The following FAM3D variants were observed in gnomAD, a reference collection of about 807,000 sequenced individuals.
FAM3D encodes FAM3 metabolism regulating signaling molecule D, also known as protein FAM3D.
A neutral mutation model predicts 29.8 loss-of-function variants in FAM3D; 26 were observed. That is an observed-to-expected ratio of 0.87 (90% CI 0.64 to 1.21). FAM3D has a LOEUF of 1.21. Among genes scored for constraint, FAM3D ranks in the 50% most tolerant of loss-of-function variants. The pLI is 0.00. For synonymous variants in FAM3D, 115 were observed against 102.3 expected (o/e 1.12, Z -0.75); for missense variants, 253 against 290.9 (o/e 0.87, Z 0.95).
At chr3:58,637,653 G>T (rs990604420) in intron 7 of FAM3D, among the ~76,000 whole-genome samples, 23 of 152,064 alleles carry the variant, frequency 1.5e-4, no homozygotes, top group African/African-American at 5.3e-4. Context: ...CTGACTTTAG[G>T]TGGTATAGCA....
rs74588286 is a variant in FAM3D, at chr3:58,641,383, G to A, written c.323-1206C>T. Among the ~76,000 whole-genome samples, 949 of 150,314 alleles carry A rather than the reference G, an allele frequency of 6.3e-3. 6 individuals are homozygous for A. The highest frequency in any genetic ancestry group is 0.01 in the Non-Finnish European group (707 of 67,592). ...TTGCTTAACCTCTTTTTTTTTTTTGGACAGGGTCTCTCTGCAGTCCAGGCT... is the reference window on the plus strand; with the variant it reads ...TTGCTTAACCTCTTTTTTTTTTTTGAACAGGGTCTCTCTGCAGTCCAGGCT... On this transcript the variant is annotated intron_variant, in intron 6 of 9. Transcript: ENST00000358781.
At chr3:58,656,883 G>A (rs1315985380) in intron 1 of FAM3D, among the ~76,000 whole-genome samples, 1 of 152,138 alleles carries the variant, frequency 6.6e-6, no homozygotes, top group Non-Finnish European at 1.5e-5. Flanking sequence ...AGGTGCTCGG[G>A]CTGAACCAGT....
intron 4 of FAM3D, among the ~76,000 whole-genome samples, chr3:58,648,166 G>T (rs1336602232): frequency 6.6e-6 from 1 of 152,228 alleles, no homozygotes; most frequent in African/African-American, 2.4e-5. Flanking sequence ...GCAACAAGAT[G>T]CTGTGACACT....
At chr3:58,649,654 GCA>G (rs1022730149) in intron 3 of FAM3D, among the ~76,000 whole-genome samples, 7 of 152,116 alleles carry the variant, frequency 4.6e-5, no homozygotes, top group South Asian at 2.1e-4. Flanking sequence ...ACACATGTGT[GCA>G]CACACAGACG....
intron 9 of FAM3D, 29 bp downstream of exon 9, chr3:58,636,265 A>T: frequency 6.2e-7 from 1 of 1,607,230 alleles, no homozygotes; most frequent in Non-Finnish European, 8.5e-7. Flanking sequence ...TGCATCCTTC[A>T]TAGGGCCGGG....
rs757848200 is a variant in FAM3D, at chr3:58,634,413, G to A, written c.586-45C>T. 11 of 1,556,542 alleles carry A rather than the reference G, an allele frequency of 7.1e-6. No individual in the cohort carries two copies. Among genetic ancestry groups the A allele is most frequent in the Non-Finnish European group, 9.7e-6 (11 of 1,132,162 alleles). On this transcript the variant is annotated intron_variant, in intron 9 of 9. Coordinates refer to ENST00000358781, the MANE Select transcript of FAM3D (RefSeq NM_138805.3). The surrounding 1 kb of genome is among the most constrained non-coding windows in gnomAD (Gnocchi z 4.6). ...AGAAATATAGGCAGTGAGTGAGGCTGTTCAGAACTCATGCCCACATGGACA... is the reference window on the plus strand; with the variant it reads ...AGAAATATAGGCAGTGAGTGAGGCTATTCAGAACTCATGCCCACATGGACA...
Position 58,649,408 on chromosome 3 carries a change from C to T in FAM3D, c.122-70G>A, listed in dbSNP as rs760171410. The T allele has an allele frequency of 1.9e-6, 3 of 1,549,772 alleles. No individual in the cohort carries two copies. The Admixed American group carries it at 5.1e-5, about 27-fold the overall frequency. ...CCTCCTGCAGGATGGAGGTTGGGGG[C>T]TGGGGGCTGGGGAGTGGGAATAAGG... On this transcript the variant is annotated intron_variant, in intron 3 of 9. Coordinates refer to ENST00000358781, the MANE Select transcript of FAM3D (RefSeq NM_138805.3).
At chr3:58,637,909 A>G (rs2364301) in intron 7 of FAM3D, among the ~76,000 whole-genome samples, 150,279 of 151,810 alleles carry the variant, frequency 0.99, 74,399 homozygotes, top group East Asian at 1. Context: ...TCTGACACAG[A>G]GTTTCTCTCT....
In FAM3D at chr3:58,640,130, C is replaced by T; in HGVS notation, c.370G>A (p.Gly124Arg). ...LGQKAFDMYS[G>R]DVMHLVKFLK... The stretch of plus-strand genomic sequence containing the variant: ...CAGTGTCAGCAGAGGCACCTACCTC[C>T]AGAGTACATGTCAAATGCCTTCTGT... Residue 124 changes from glycine to arginine, a missense_variant, in exon 7 of 10, where the codon GGA becomes AGA. Gly to Arg is a moderately radical substitution (Grantham distance 125). Transcript: ENST00000358781. 1 of 1,614,204 alleles carries T rather than the reference C, an allele frequency of 6.2e-7. No individual in the cohort carries two copies. The highest frequency in any genetic ancestry group is 1.1e-5 in the South Asian group (1 of 91,086).
rs1487920191 is a variant in FAM3D, at chr3:58,649,272, G to A, written c.145+43C>T. 3.7e-6 allele frequency: 6 copies of A among 1,606,082 alleles called. No individual in the cohort carries two copies. The African/African-American group carries it at 8.0e-5, about 21-fold the overall frequency. On this transcript the variant is annotated intron_variant, in intron 4 of 9. Coordinates refer to ENST00000358781, the MANE Select transcript of FAM3D (RefSeq NM_138805.3). ...TAGGGCAAATGGGAGCAGGGGGTGA[G>A]TGGATGAGGTCGGGGGAGGTGTGGG... is the stretch of plus-strand genomic sequence containing the variant.
At chr3:58,636,195 A>G in intron 9 of FAM3D, 99 bp downstream of exon 9, 2 of 1,505,194 alleles carry the variant, frequency 1.3e-6, no homozygotes, top group Non-Finnish European at 1.8e-6. Flanking sequence ...CAATCCTCCC[A>G]ATTTTAAGGC....
At chr3:58,658,577 C>A (rs1305459751) in intron 1 of FAM3D, among the ~76,000 whole-genome samples, 1 of 152,190 alleles carries the variant, frequency 6.6e-6, no homozygotes, top group Non-Finnish European at 1.5e-5. Context: ...TTGGAGAAAT[C>A]ACTTCTGGGA....
At chr3:58,666,272 C>G (rs939641417) in intron 1 of FAM3D, among the ~76,000 whole-genome samples, 1 of 152,124 alleles carries the variant, frequency 6.6e-6, no homozygotes, top group Admixed American at 6.6e-5. Flanking sequence ...CCTTCTTGTG[C>G]CCATGGCAGA....
intron 7 of FAM3D, among the ~76,000 whole-genome samples, chr3:58,637,914 C>T (rs1298015805): frequency 7.6e-5 from 2 of 26,372 alleles, no homozygotes; most frequent in Non-Finnish European, 2.0e-4. Context: ...CACAGAGTTT[C>T]TCTCTCGTTG....
intron 3 of FAM3D, among the ~76,000 whole-genome samples, chr3:58,652,406 C>T (rs2066663879): frequency 6.6e-6 from 1 of 151,802 alleles, no homozygotes; most frequent in Non-Finnish European, 1.5e-5. Context: ...ATCTATCCAC[C>T]CACCCACCCA....
intron 6 of FAM3D, 41 bp from the exon 7 acceptor site, chr3:58,640,218 G>A: frequency 1.2e-6 from 2 of 1,605,612 alleles, no homozygotes; most frequent in Non-Finnish European, 1.7e-6. Context: ...TGTAACACGT[G>A]TCATTCTGCC....
In FAM3D at chr3:58,643,516, G is replaced by T. The variant is rs199500987; in HGVS notation, c.322+146C>A. 3.3e-5 allele frequency: 29 copies of T among 866,574 alleles called. No homozygotes were observed. In the East Asian group the frequency reaches 7.3e-4, roughly 22 times the overall value. The allele number at this position is 866,574 out of a possible 1,614,324, so 53.7% of individuals were successfully genotyped here. ...TCTTTGAGACCTTCTGTTCCCCCAG[G>T]CCAGCCACGCTTCCCCTCCTGAGCT... On this transcript the variant is annotated intron_variant, in intron 6 of 9. Coordinates refer to ENST00000358781, the MANE Select transcript of FAM3D (RefSeq NM_138805.3).
chr3:58,638,184 C>A (rs2066229565), intron 7 of FAM3D, among the ~76,000 whole-genome samples: 1 of 152,130 alleles, frequency 6.6e-6, no homozygotes, highest in Non-Finnish European at 1.5e-5. Flanking sequence ...GTCCCAGGGC[C>A]CTCCATTGTG....
chr3:58,652,872 C>T (rs1016117591), intron 3 of FAM3D, among the ~76,000 whole-genome samples: 3 of 151,562 alleles, frequency 2.0e-5, no homozygotes, highest in Admixed American at 6.6e-5. Flanking sequence ...GTCCATCCAT[C>T]CATCCATCCA....
Sources: allele counts gnomAD v4.1 joint callset (sites outside exome capture counted in the v4.1 genomes callset), GRCh38; gene constraint gnomAD v4.1.1; non-coding constraint Gnocchi (gnomAD v3.1); transcripts MANE v1.5; gene names NCBI Gene and HGNC (gene_info 2026-07-23, HGNC 2026-07-21).